The following PAPPA variants were observed in gnomAD, a reference collection of about 807,000 sequenced individuals.
PAPPA encodes pappalysin 1, also known as pappalysin-1.
PAPPA carries 60 observed loss-of-function variants against 164.0 expected under a neutral mutation model. The observed-to-expected ratio is 0.37, with a 90% CI of 0.30 to 0.45. The LOEUF is 0.45. Among genes scored for constraint, PAPPA ranks in the 20% least tolerant of loss-of-function variants. The pLI, the probability that PAPPA is intolerant of heterozygous loss-of-function variation, is 1.00. For synonymous variants in PAPPA, 875 were observed against 814.1 expected (o/e 1.07, Z -1.27); for missense variants, 1,782 against 2,087.3 (o/e 0.85, Z 2.85).
At chr9:116,327,432 T>C (rs897863355) in intron 10 of PAPPA, among the ~76,000 whole-genome samples, 1 of 152,092 alleles carries the variant, frequency 6.6e-6, no homozygotes, top group African/African-American at 2.4e-5. Context: ...GGGGAGATGA[T>C]GAGCGAAGAA....
chr9:116,356,458 C>T (rs757307809), intron 17 of PAPPA, among the ~76,000 whole-genome samples: 4 of 152,162 alleles, frequency 2.6e-5, no homozygotes, highest in Non-Finnish European at 4.4e-5. Flanking sequence ...ACTCCAGTGG[C>T]GAGAATCCCT....
At chr9:116,391,429 C>T (rs74363364) in intron 21 of PAPPA, among the ~76,000 whole-genome samples, 7,941 of 152,276 alleles carry the variant, frequency 0.052, 289 homozygotes, top group Admixed American at 0.1. Context: ...ACCATCAGCA[C>T]AACATGACTG....
chr9:116,377,529 C>T (rs1328177001), intron 19 of PAPPA, 47 bp from the exon 20 acceptor site: 3 of 1,373,044 alleles, frequency 2.2e-6, no homozygotes, highest in South Asian at 2.3e-5. Flanking sequence ...GAGGTGGGTC[C>T]CTCCCAATCC....
chr9:116,348,581 T>A (rs531435725), intron 15 of PAPPA, among the ~76,000 whole-genome samples: 26 of 152,122 alleles, frequency 1.7e-4, no homozygotes, highest in Non-Finnish European at 1.6e-4. Context: ...ATTGTACAGA[T>A]TATTTTATCA....
At chr9:116,331,416 C>A in intron 11 of PAPPA, 59 bp downstream of exon 11, 1 of 974,446 alleles carries the variant, frequency 1.0e-6, no homozygotes, top group Non-Finnish European at 1.7e-6. Context: ...AAAACACTGA[C>A]TCCCATGACC....
chr9:116,316,168 T>G (rs1038155004), intron 10 of PAPPA: 1 of 152,234 alleles, frequency 6.6e-6, no homozygotes, highest in Non-Finnish European at 1.5e-5. Context: ...TGTATCTAAA[T>G]ATTTGCATGT....
At chr9:116,306,381 C>T (rs1845646613) in intron 10 of PAPPA, among the ~76,000 whole-genome samples, 1 of 152,200 alleles carries the variant, frequency 6.6e-6, no homozygotes, top group East Asian at 1.9e-4. Context: ...AAAAGCCTGC[C>T]ATATCTAATG....
chr9:116,207,268 G>T (rs1206703442), intron 2 of PAPPA, among the ~76,000 whole-genome samples, 188 bp from the exon 3 acceptor site: 1 of 152,108 alleles, frequency 6.6e-6, no homozygotes, highest in African/African-American at 2.4e-5. Context: ...AAACTCTCGA[G>T]AACTTAATTT....
intron 10 of PAPPA, chr9:116,316,360 AT>A (rs1206250768): frequency 6.6e-6 from 1 of 152,238 alleles, no homozygotes; most frequent in Non-Finnish European, 1.5e-5. Flanking sequence ...TTAGTGGAAG[AT>A]TCAGGGAAGT....
intron 21 of PAPPA, among the ~76,000 whole-genome samples, chr9:116,393,742 C>T (rs911569921): frequency 1.3e-5 from 2 of 151,962 alleles, no homozygotes; most frequent in African/African-American, 4.8e-5. Flanking sequence ...AAGAGCTGGC[C>T]AGGGAAGAGC....
chr9:116,192,261 GAGCCTAGAGAC>G (rs1280431249), intron 2 of PAPPA, among the ~76,000 whole-genome samples: 3 of 152,174 alleles, frequency 2.0e-5, no homozygotes, highest in Non-Finnish European at 2.9e-5. Flanking sequence ...AGAATGTCCA[GAGCCTAGAGAC>G]AGCCAGCCCA....
At position 116,401,035 on chromosome 9, in the gene PAPPA, C is replaced by T. The variant is rs1266679692; in HGVS notation, c.*4419C>T. The T allele has an allele frequency of 3.3e-5, 5 of 152,420 alleles. No homozygotes were observed. Among genetic ancestry groups the T allele is most frequent in the Non-Finnish European group, 7.3e-5 (5 of 68,028 alleles). 9.4% of individuals were successfully genotyped at this position (152,420 alleles called of 1,614,324 possible). ...GACACAAAGTCCATGGGTTATTATTCAAGAATGCACAGGCCCATCGGCCTT... is the reference window on the plus strand; with the variant it reads ...GACACAAAGTCCATGGGTTATTATTTAAGAATGCACAGGCCCATCGGCCTT... On this transcript the variant is annotated 3_prime_UTR_variant, in exon 22 of 22. Coordinates refer to ENST00000328252, the MANE Select transcript of PAPPA (RefSeq NM_002581.5).
intron 21 of PAPPA, among the ~76,000 whole-genome samples, 160 bp from the exon 22 acceptor site, chr9:116,396,349 G>C (rs1043964183): frequency 6.6e-6 from 1 of 152,194 alleles, no homozygotes; most frequent in African/African-American, 2.4e-5. Flanking sequence ...ATCATGGTGT[G>C]CTCGATAAAA....
intron 20 of PAPPA, among the ~76,000 whole-genome samples, chr9:116,381,017 C>G (rs1334939908): frequency 6.6e-6 from 1 of 152,142 alleles, no homozygotes; most frequent in African/African-American, 2.4e-5. Context: ...GAGACCCCAA[C>G]CAGCACTTTA....
intron 9 of PAPPA, among the ~76,000 whole-genome samples, chr9:116,277,574 T>C (rs1845214926): frequency 6.6e-6 from 1 of 152,226 alleles, no homozygotes; most frequent in South Asian, 2.1e-4. Flanking sequence ...AAAAACAAGT[T>C]TATTTTTGTA....
chr9:116,332,207 G>T, intron 11 of PAPPA, 126 bp from the exon 12 acceptor site: 1 of 659,278 alleles, frequency 1.5e-6, no homozygotes. Flanking sequence ...TCCCATCTTG[G>T]ACCCCTGATG....
chr9:116,400,308 A>G lies in PAPPA; in HGVS notation c.*3692A>G, dbSNP rs1001682977. 6.6e-6 allele frequency: 1 copy of G among 152,212 alleles called. No individual in the cohort carries two copies. Among genetic ancestry groups the G allele is most frequent in the Non-Finnish European group, 1.5e-5 (1 of 68,038 alleles). The allele number at this position is 152,212 out of a possible 1,614,324, so 9.4% of individuals were successfully genotyped here. A position where few individuals can be genotyped will look rare whatever the true frequency, so the allele number is the denominator to read the frequency against. Reference sequence around the variant, plus strand: ...AAACATAAAGATTTCCCTAGAAGACATAGAGTGGGATTTGATAACACTGTC... The same window carrying G: ...AAACATAAAGATTTCCCTAGAAGACGTAGAGTGGGATTTGATAACACTGTC... On this transcript the variant is annotated 3_prime_UTR_variant, in exon 22 of 22. Coordinates refer to ENST00000328252, the MANE Select transcript of PAPPA (RefSeq NM_002581.5).
chr9:116,246,818 C>A (rs1246750695), intron 7 of PAPPA, among the ~76,000 whole-genome samples: 2 of 152,050 alleles, frequency 1.3e-5, no homozygotes, highest in South Asian at 4.2e-4. Context: ...AGTTCAAGAC[C>A]AGCCTGGACA....
At chr9:116,386,288 G>A (rs1473197287) in intron 21 of PAPPA, among the ~76,000 whole-genome samples, 2 of 152,138 alleles carry the variant, frequency 1.3e-5, no homozygotes, top group Non-Finnish European at 2.9e-5. Context: ...ACTTTTAAGG[G>A]AACTCCAACT....
Sources: gnomAD v4.1 joint callset for allele counts (sites outside exome capture counted in the v4.1 genomes callset) on GRCh38, gnomAD v4.1.1 for gene constraint, MANE v1.5 for transcripts, NCBI Gene and HGNC (gene_info 2026-07-23, HGNC 2026-07-21) for gene names.